Variants in SOX6 observed in about 807,000 individuals in gnomAD.
SOX6 encodes the protein SRY-box transcription factor 6, also known as transcription factor SOX-6.
Under a neutral mutation model 97.8 loss-of-function variants are expected in SOX6, and 11 were observed. The observed-to-expected ratio is 0.11, with a 90% CI of 0.07 to 0.19. The LOEUF (loss-of-function observed/expected upper bound fraction) is 0.19, where lower values mean the gene tolerates loss of function less well. SOX6 is among the 10% of genes least tolerant of loss of function. The pLI is 1.00. For synonymous variants in SOX6, 360 were observed against 371.4 expected, an observed-to-expected ratio of 0.97 and a Z score of 0.35; for missense variants, 810 against 1,039.5, an observed-to-expected ratio of 0.78 and a Z score of 3.04.
At chr11:16,251,566 T>C (rs1436962563) in intron 3 of SOX6, among the ~76,000 whole-genome samples, 2 of 151,976 alleles carry the variant, frequency 1.3e-5, no homozygotes, top group Admixed American at 6.6e-5. Context: ...ACAGAAATAG[T>C]GCTATATAAA....
intron 5 of SOX6, among the ~76,000 whole-genome samples, chr11:16,185,592 T>C (rs532371730): frequency 1.1e-3 from 161 of 152,326 alleles, no homozygotes; most frequent in Middle Eastern, 3.4e-3. Context: ...CTCGCTTCAT[T>C]GAGCATGACA....
At chr11:16,730,739 T>G (rs1257296132) in intron 2 of SOX6, among the ~76,000 whole-genome samples, 1 of 151,330 alleles carries the variant, frequency 6.6e-6, no homozygotes. Flanking sequence ...AAGAAATAAC[T>G]AAGATGAGAG....
rs1400133666 is a variant in SOX6 at position 16,035,805 on chromosome 11, T to C, written c.1623+10709A>G. ...ATCTCTATTAGCAAGGATGATAGTA[T>C]AGAACAACATAAGCAGCACTAAGAC... On this transcript the variant is annotated intron_variant, in intron 12 of 15. Coordinates refer to ENST00000683767, the MANE Select transcript of SOX6 (RefSeq NM_001367873.1). Among the ~76,000 whole-genome samples the C allele has an allele frequency of 4.6e-5, 7 of 152,312 alleles. No individual in the cohort carries two copies. In the South Asian group the frequency reaches 6.2e-4, roughly 14 times the overall value.
intron 3 of SOX6, among the ~76,000 whole-genome samples, chr11:16,310,996 C>T (rs957446942): frequency 2.0e-5 from 3 of 152,098 alleles, no homozygotes; most frequent in Admixed American, 6.6e-5. Context: ...TATCTAAAAA[C>T]CTCATCCAAG....
At chr11:15,998,111 T>C (rs1590118454) in intron 13 of SOX6, among the ~76,000 whole-genome samples, 1 of 150,536 alleles carries the variant, frequency 6.6e-6, no homozygotes, top group Non-Finnish European at 1.5e-5. Context: ...TAAAATAAAA[T>C]AAAATAAAAA....
At chr11:16,390,449 T>G (rs1228541652) in intron 1 of SOX6, among the ~76,000 whole-genome samples, 1 of 152,166 alleles carries the variant, frequency 6.6e-6, no homozygotes, top group Non-Finnish European at 1.5e-5. Context: ...CCTCACTCAA[T>G]TTTCAGTGGA....
At chr11:16,281,724 GTTAT>G (rs1025917766) in intron 3 of SOX6, among the ~76,000 whole-genome samples, 6 of 151,760 alleles carry the variant, frequency 4.0e-5, no homozygotes, top group Non-Finnish European at 8.8e-5. Context: ...CATTAAATGT[GTTAT>G]TTAATGTTGT....
At chr11:16,728,634 C>CA (rs1848325559) in intron 2 of SOX6, among the ~76,000 whole-genome samples, 1 of 152,148 alleles carries the variant, frequency 6.6e-6, no homozygotes, top group African/African-American at 2.4e-5. Context: ...AAAACCAGTA[C>CA]AAAAATGCTG....
At chr11:16,152,416 A>G (rs1444305085) in intron 6 of SOX6, among the ~76,000 whole-genome samples, 1 of 152,184 alleles carries the variant, frequency 6.6e-6, no homozygotes, top group African/African-American at 2.4e-5. Flanking sequence ...TTCACAAACA[A>G]ATATAAAGGT....
intron 6 of SOX6, among the ~76,000 whole-genome samples, chr11:16,170,345 C>A (rs1851002795): frequency 6.6e-6 from 1 of 151,660 alleles, no homozygotes; most frequent in Non-Finnish European, 1.5e-5. Flanking sequence ...TCTTATACAA[C>A]TTCACAGCTA....
At chr11:15,988,771 C>G (rs964309737) in intron 14 of SOX6, among the ~76,000 whole-genome samples, 22 of 152,228 alleles carry the variant, frequency 1.4e-4, no homozygotes, top group Admixed American at 3.3e-4. Context: ...CAGTCCTGCC[C>G]TGGCACCTGG....
intron 3 of SOX6, among the ~76,000 whole-genome samples, chr11:16,688,924 G>T (rs192181976): frequency 1.3e-5 from 2 of 152,114 alleles, no homozygotes; most frequent in Non-Finnish European, 2.9e-5. Context: ...GATCCTTTTG[G>T]GTCTTGCTTT....
chr11:16,196,830 C>CTTTTTTTT (rs34023402), intron 4 of SOX6, among the ~76,000 whole-genome samples: 1 of 63,518 alleles, frequency 1.6e-5, no homozygotes, highest in African/African-American at 8.0e-5. Flanking sequence ...TCTTCTTCTT[C>CTTTTTTTT]TTTTTTTTTT....
At chr11:16,153,943 T>C (rs894346843) in intron 6 of SOX6, among the ~76,000 whole-genome samples, 1 of 152,132 alleles carries the variant, frequency 6.6e-6, no homozygotes, top group African/African-American at 2.4e-5. Context: ...CAAGCATAAT[T>C]CTAAGTTCTA....
intron 6 of SOX6, among the ~76,000 whole-genome samples, chr11:16,171,035 A>G (rs1232038296): frequency 6.6e-6 from 1 of 152,052 alleles, no homozygotes; most frequent in African/African-American, 2.4e-5. Flanking sequence ...TTATTAAAAT[A>G]AATACTTCAT....
At chr11:16,387,386 T>G (rs1269524762) in intron 1 of SOX6, among the ~76,000 whole-genome samples, 1 of 152,040 alleles carries the variant, frequency 6.6e-6, no homozygotes, top group African/African-American at 2.4e-5. Flanking sequence ...TTGCAAAAGA[T>G]GCAAGATTTC....
At chr11:16,037,238 A>G (rs1239825845) in intron 12 of SOX6, among the ~76,000 whole-genome samples, 1 of 152,216 alleles carries the variant, frequency 6.6e-6, no homozygotes, top group Non-Finnish European at 1.5e-5. Flanking sequence ...TGGATTCTAA[A>G]GGCCACCTAG....
chr11:16,114,276 C>T (rs1849295783), intron 6 of SOX6, among the ~76,000 whole-genome samples: 1 of 152,108 alleles, frequency 6.6e-6, no homozygotes, highest in South Asian at 2.1e-4. Context: ...GCCTTGTTGG[C>T]AAAAAGTCTG....
chr11:16,626,544 A>G (rs1177435770), intron 3 of SOX6, among the ~76,000 whole-genome samples: 3 of 152,170 alleles, frequency 2.0e-5, no homozygotes, highest in Admixed American at 2.0e-4. Context: ...TTACATATAA[A>G]TTTTAGAATC....
Sources: allele counts gnomAD v4.1 joint callset (sites outside exome capture counted in the v4.1 genomes callset), GRCh38; gene constraint gnomAD v4.1.1; transcripts MANE v1.5; gene names NCBI Gene and HGNC (gene_info 2026-07-23, HGNC 2026-07-21).